OSBPL9: variants seen among roughly 807,000 people sequenced by gnomAD.
The protein encoded by OSBPL9 is oxysterol binding protein like 9.
A neutral mutation model predicts 106.6 loss-of-function variants in OSBPL9; 40 were observed. The observed-to-expected ratio is 0.38, with a 90% CI of 0.29 to 0.49. The LOEUF (loss-of-function observed/expected upper bound fraction) is 0.49. Among genes scored for constraint, OSBPL9 ranks in the 20% least tolerant of loss-of-function variants. The probability of loss-of-function intolerance (pLI) is 0.97; values close to 1 mark genes in which losing one functional copy is unlikely to be tolerated. For synonymous variants in OSBPL9, 269 were observed against 295.4 expected (o/e 0.91, Z 0.92); for missense variants, 609 against 887.2 (o/e 0.69, Z 3.98).
upstream of OSBPL9, chr1:51,616,904 G>A: frequency 1.3e-6 from 1 of 788,830 alleles, no homozygotes. Flanking sequence ...CAGTATTCAC[G>A]TTTGCATTCT....
At chr1:51,728,671 A>G (rs1663589495) in intron 4 of OSBPL9, among the ~76,000 whole-genome samples, 2 of 152,186 alleles carry the variant, frequency 1.3e-5, no homozygotes, top group South Asian at 4.1e-4. Context: ...TGAGTCCAGC[A>G]GGTTAGCATA....
intron 3 of OSBPL9, among the ~76,000 whole-genome samples, chr1:51,691,973 AGCTTT>A (rs1557695719): frequency 6.6e-6 from 1 of 152,146 alleles, no homozygotes; most frequent in Non-Finnish European, 1.5e-5. Context: ...GCTGTTTTAC[AGCTTT>A]AAAAAATAAA....
chr1:51,518,734 C>T, the OSBPL9 span, among the ~76,000 whole-genome samples: 1 of 152,168 alleles, frequency 6.6e-6, no homozygotes, highest in South Asian at 2.1e-4. Flanking sequence ...GCAACTCCTA[C>T]TGGGGGCGGC....
At chr1:51,570,057 T>G in the OSBPL9 span, among the ~76,000 whole-genome samples, 2 of 152,224 alleles carry the variant, frequency 1.3e-5, no homozygotes, top group Non-Finnish European at 2.9e-5. Flanking sequence ...CCTCTGATTT[T>G]CAAGAGATAC....
intron 20 of OSBPL9, 42 bp downstream of exon 20, chr1:51,784,624 A>G (rs756640494): frequency 4.0e-5 from 63 of 1,592,642 alleles, no homozygotes; most frequent in Non-Finnish European, 5.2e-5. Context: ...GCTTTTCTGA[A>G]ATAACTGCCT....
At chr1:51,727,392 T>C (rs1309878395) in intron 4 of OSBPL9, among the ~76,000 whole-genome samples, 7 of 152,194 alleles carry the variant, frequency 4.6e-5, no homozygotes, top group Non-Finnish European at 1.0e-4. Flanking sequence ...AGAAATCTGT[T>C]TGAGGACTTC....
At chr1:51,745,830 A>G (rs887355710) in intron 5 of OSBPL9, among the ~76,000 whole-genome samples, 199 bp downstream of exon 5, 2 of 152,182 alleles carry the variant, frequency 1.3e-5, no homozygotes, top group Admixed American at 6.5e-5. Flanking sequence ...GCATATTTAC[A>G]TAATGCTTTT....
chr1:51,585,412 A>G (rs1480966202), intron 1 of OSBPL9, among the ~76,000 whole-genome samples: 1 of 152,184 alleles, frequency 6.6e-6, no homozygotes, highest in Admixed American at 6.6e-5. Context: ...GAGTGTGTAA[A>G]GCATCATGCT....
At chr1:51,595,794 A>T (rs1217564795) in intron 1 of OSBPL9, among the ~76,000 whole-genome samples, 1 of 152,054 alleles carries the variant, frequency 6.6e-6, no homozygotes, top group Non-Finnish European at 1.5e-5. Flanking sequence ...TCCTCACACT[A>T]GTGTGAGGAG....
the OSBPL9 span, among the ~76,000 whole-genome samples, chr1:51,552,129 A>G: frequency 6.6e-5 from 10 of 152,122 alleles, no homozygotes; most frequent in African/African-American, 2.4e-4. Flanking sequence ...GCAAATTATG[A>G]GGTTTGTTAC....
the OSBPL9 span, among the ~76,000 whole-genome samples, chr1:51,544,727 A>G: frequency 6.6e-6 from 1 of 152,088 alleles, no homozygotes; most frequent in African/African-American, 2.4e-5. Flanking sequence ...TAAATGGAGG[A>G]TAGAACTAAA....
chr1:51,686,681 T>G (rs77661440), intron 3 of OSBPL9, among the ~76,000 whole-genome samples: 1,818 of 152,280 alleles, frequency 0.012, 38 homozygotes, highest in African/African-American at 0.042. Context: ...CATAAGATGA[T>G]CAAGTCTGTT....
At chr1:51,758,161 G>A (rs150370065) in intron 9 of OSBPL9, among the ~76,000 whole-genome samples, 2 of 152,146 alleles carry the variant, frequency 1.3e-5, no homozygotes, top group Admixed American at 1.3e-4. Flanking sequence ...TATACATGTT[G>A]TCAAAAGACA....
At chr1:51,540,234 A>T in the OSBPL9 span, among the ~76,000 whole-genome samples, 40 of 151,944 alleles carry the variant, frequency 2.6e-4, no homozygotes, top group South Asian at 7.3e-3. Flanking sequence ...TTTTTTTTAA[A>T]GCTGGACACC....
upstream of OSBPL9, among the ~76,000 whole-genome samples, chr1:51,576,875 G>C (rs1303425465): frequency 6.6e-6 from 1 of 152,164 alleles, no homozygotes; most frequent in Non-Finnish European, 1.5e-5. Context: ...TGGTAGACCT[G>C]AGATTTGAAC....
the OSBPL9 span, among the ~76,000 whole-genome samples, chr1:51,536,364 T>C: frequency 6.6e-6 from 1 of 152,110 alleles, no homozygotes; most frequent in Non-Finnish European, 1.5e-5. Flanking sequence ...TGGAGGGCAG[T>C]GGTTCAATTA....
At chr1:51,747,096 A>G (rs569709052) in intron 6 of OSBPL9, among the ~76,000 whole-genome samples, 1 of 152,088 alleles carries the variant, frequency 6.6e-6, no homozygotes, top group Non-Finnish European at 1.5e-5. Context: ...CAGCCTCCCA[A>G]GTAGCTGGGA....
chr1:51,699,448 T>C (rs1237323220), intron 3 of OSBPL9, among the ~76,000 whole-genome samples: 1 of 152,128 alleles, frequency 6.6e-6, no homozygotes, highest in Non-Finnish European at 1.5e-5. Context: ...AACTCAGCTT[T>C]AATTTCCTTG....
intron 3 of OSBPL9, among the ~76,000 whole-genome samples, chr1:51,710,484 G>A (rs1366225016): frequency 6.6e-6 from 1 of 152,164 alleles, no homozygotes; most frequent in Non-Finnish European, 1.5e-5. Flanking sequence ...TCTTCATTCT[G>A]TGCAGCTCCT....
Sources: gnomAD v4.1 joint callset for allele counts (sites outside exome capture counted in the v4.1 genomes callset) on GRCh38, gnomAD v4.1.1 for gene constraint, MANE v1.5 for transcripts, NCBI Gene and HGNC (gene_info 2026-07-23, HGNC 2026-07-21) for gene names.